The following RBMS3 variants were observed in gnomAD, a reference collection of about 807,000 sequenced individuals.
The protein encoded by RBMS3 is RNA-binding motif, single-stranded-interacting protein 3.
RBMS3 carries 27 observed loss-of-function variants against 66.8 expected under a neutral mutation model. The ratio of observed to expected loss-of-function variants is 0.40; its 90% CI spans 0.30 to 0.56. The LOEUF (loss-of-function observed/expected upper bound fraction) is 0.56. Among genes scored for constraint, RBMS3 ranks in the 20% least tolerant of loss-of-function variants. RBMS3 has a pLI of 0.40. For synonymous variants in RBMS3, 188 were observed against 183.0 expected (o/e 1.03, Z -0.22); for missense variants, 513 against 549.5 (o/e 0.93, Z 0.66).
At chr3:29,533,266 C>A (rs2045431470) in intron 3 of RBMS3, among the ~76,000 whole-genome samples, 1 of 151,938 alleles carries the variant, frequency 6.6e-6, no homozygotes, top group Non-Finnish European at 1.5e-5. Context: ...TCATTTGTCC[C>A]CAGGAGTTTG....
At chr3:29,492,813 A>G (rs2043599827) in intron 3 of RBMS3, among the ~76,000 whole-genome samples, 1 of 152,204 alleles carries the variant, frequency 6.6e-6, no homozygotes, top group African/African-American at 2.4e-5. Flanking sequence ...GAAACATGCA[A>G]ATTAAAGCAA....
intron 6 of RBMS3, among the ~76,000 whole-genome samples, chr3:29,863,206 G>A (rs940270700): frequency 6.6e-6 from 1 of 151,372 alleles, no homozygotes; most frequent in Admixed American, 6.6e-5. Flanking sequence ...ATCAAACACC[G>A]GAGCCTGTTG....
intron 1 of RBMS3, among the ~76,000 whole-genome samples, chr3:29,386,518 C>T (rs939231722): frequency 1.3e-5 from 2 of 152,118 alleles, no homozygotes; most frequent in African/African-American, 2.4e-5. Context: ...GAGGGTCCTT[C>T]GTAGCAAAGA....
intron 3 of RBMS3, among the ~76,000 whole-genome samples, chr3:29,519,000 C>A (rs571782787): frequency 6.6e-6 from 1 of 152,114 alleles, no homozygotes. Context: ...AAGTAGAATA[C>A]GCAGAGAGCA....
At position 29,281,666 on chromosome 3, in the gene RBMS3, T is replaced by TA; in HGVS notation, c.-13dup. On this transcript the variant is annotated 5_prime_UTR_variant, in exon 1 of 15. Coordinates refer to ENST00000383767, the MANE Select transcript of RBMS3 (RefSeq NM_001003793.3). ...GTCATCCAGTTCCCTGCCTCGGAGA[T>TA]AAAGATTCCAGCTACATGGGCAAAC... 6.2e-7 allele frequency: 1 copy of TA among 1,610,910 alleles called. No homozygotes were observed. The highest frequency in any genetic ancestry group is 8.5e-7 in the Non-Finnish European group (1 of 1,177,334).
chr3:29,876,665 G>T (rs1336039041), intron 7 of RBMS3, among the ~76,000 whole-genome samples: 1 of 152,182 alleles, frequency 6.6e-6, no homozygotes. Context: ...CTGGCTTTAA[G>T]AGGCTATGAC....
chr3:29,537,836 A>G (rs549647710), intron 3 of RBMS3, among the ~76,000 whole-genome samples: 81 of 150,998 alleles, frequency 5.4e-4, no homozygotes, highest in African/African-American at 1.6e-3. Flanking sequence ...AAAAAAAAAA[A>G]AAAGAAAGAA....
At chr3:29,807,276 C>T (rs1047375616) in intron 6 of RBMS3, among the ~76,000 whole-genome samples, 1 of 151,910 alleles carries the variant, frequency 6.6e-6, no homozygotes, top group Admixed American at 6.6e-5. Context: ...TTCTTCTCTG[C>T]ATAAATCTAG....
intron 6 of RBMS3, among the ~76,000 whole-genome samples, chr3:29,838,900 A>C (rs2058595909): frequency 6.6e-6 from 1 of 152,172 alleles, no homozygotes; most frequent in Non-Finnish European, 1.5e-5. Flanking sequence ...CTCTCACAAT[A>C]TAGATATGAT....
chr3:29,692,917 T>C (rs1244789548), intron 4 of RBMS3, among the ~76,000 whole-genome samples: 1 of 152,190 alleles, frequency 6.6e-6, no homozygotes. Flanking sequence ...ATTGTGCTCA[T>C]TTATGTTTTG....
intron 1 of RBMS3, among the ~76,000 whole-genome samples, chr3:29,374,836 TTATC>T (rs2038385446): frequency 6.6e-6 from 1 of 152,242 alleles, no homozygotes; most frequent in Non-Finnish European, 1.5e-5. Flanking sequence ...TGTTTTACCA[TTATC>T]TATGCTTTGG....
intron 13 of RBMS3, 67 bp downstream of exon 13, chr3:29,988,290 C>A (rs1698574399): frequency 7.5e-7 from 1 of 1,335,732 alleles, no homozygotes; most frequent in Non-Finnish European, 1.1e-6. Flanking sequence ...ACTGTAGTCC[C>A]CCATAACCAT....
rs1553600813 is a variant in RBMS3 at position 29,420,560 on chromosome 3, G to GTTTTT, written c.76-14178_76-14174dup. ...AAAAATCAGTGGTGTACTTAGGTTT[G>GTTTTT]TTTTTTTTTGTTTTGTTTTGTTTTG... On this transcript the variant is annotated intron_variant, in intron 1 of 14. Coordinates refer to ENST00000383767, the MANE Select transcript of RBMS3 (RefSeq NM_001003793.3). Among the ~76,000 whole-genome samples the GTTTTT allele has an allele frequency of 1.3e-4, 16 of 123,350 alleles. No homozygotes were observed. In the East Asian group the frequency reaches 1.6e-3, roughly 13 times the overall value. 80.9% of individuals were successfully genotyped at this position (123,350 alleles called of 152,430 possible). A position where few individuals can be genotyped will look rare whatever the true frequency, so the allele number is the denominator to read the frequency against.
rs540155038 is a variant in RBMS3 at position 29,784,213 on chromosome 3, A to G, written c.637+21224A>G. 3.3e-5 allele frequency among the ~76,000 whole-genome samples: 5 copies of G among 152,292 alleles called. No homozygotes were observed. The East Asian group carries it at 9.7e-4, about 29-fold the overall frequency. ...ACACATGGATTTAACAGATATTTTC[A>G]GAACATTCTACCGAACAACTGCAGA... On this transcript the variant is annotated intron_variant, in intron 6 of 14. Transcript: ENST00000383767.
intron 2 of RBMS3, among the ~76,000 whole-genome samples, chr3:29,450,758 A>T (rs2041985316): frequency 6.6e-6 from 1 of 152,160 alleles, no homozygotes; most frequent in Non-Finnish European, 1.5e-5. Context: ...CAAACAAAAA[A>T]TAGCAGATTA....
At chr3:29,288,815 C>T (rs1009058085) in intron 1 of RBMS3, among the ~76,000 whole-genome samples, 8 of 151,894 alleles carry the variant, frequency 5.3e-5, no homozygotes, top group African/African-American at 1.4e-4. Flanking sequence ...GCCTAGAAAA[C>T]GTGGGAACTG....
chr3:29,647,434 C>A (rs74754187), intron 4 of RBMS3, among the ~76,000 whole-genome samples: 1 of 152,092 alleles, frequency 6.6e-6, no homozygotes, highest in East Asian at 1.9e-4. Context: ...AAAAAAGCTA[C>A]GATTCAAAGT....
intron 4 of RBMS3, among the ~76,000 whole-genome samples, chr3:29,710,936 A>G (rs1305013284): frequency 1.3e-5 from 2 of 152,178 alleles, no homozygotes; most frequent in African/African-American, 4.8e-5. Context: ...AGTTCATCAT[A>G]AAATATTTGA....
intron 1 of RBMS3, among the ~76,000 whole-genome samples, chr3:29,325,416 TATC>T (rs1390474894): frequency 2.0e-5 from 3 of 152,116 alleles, no homozygotes; most frequent in Non-Finnish European, 4.4e-5. Flanking sequence ...GTTAATATAT[TATC>T]CATCCAAAAA....
Sources: gnomAD v4.1 joint callset for allele counts (sites outside exome capture counted in the v4.1 genomes callset) on GRCh38, gnomAD v4.1.1 for gene constraint, MANE v1.5 for transcripts, NCBI Gene and HGNC (gene_info 2026-07-23, HGNC 2026-07-21) for gene names.